REEP3: variants seen among roughly 807,000 people sequenced by gnomAD.
The protein encoded by REEP3 is receptor expression-enhancing protein 3.
A neutral mutation model predicts 41.3 loss-of-function variants in REEP3; 20 were observed. That is an observed-to-expected ratio of 0.48 (90% CI 0.34 to 0.70). The LOEUF (loss-of-function observed/expected upper bound fraction) is 0.70, where lower values mean the gene tolerates loss of function less well. REEP3 is among the 30% of genes least tolerant of loss of function. The pLI is 0.01. For missense variants in REEP3, 271 were observed against 308.8 expected (o/e 0.88, Z 0.92); for synonymous variants, 104 against 101.8 (o/e 1.02, Z -0.13).
chr10:63,538,761 A>G (rs1271036993), intron 1 of REEP3, among the ~76,000 whole-genome samples: 1 of 152,150 alleles, frequency 6.6e-6, no homozygotes, highest in Non-Finnish European at 1.5e-5. Context: ...AATAAAGATG[A>G]GGAAAATGAA....
At position 63,564,689 on chromosome 10, in the gene REEP3, AT is replaced by A. The variant is rs546759141; in HGVS notation, c.33-1638del. On this transcript the variant is annotated intron_variant, in intron 1 of 7. Transcript: ENST00000373758. ...TTGTTTTTCTTCTGTTTAGCTTGCA[AT>A]TTTTTTTTTTCCTAACGATGATACC... is the stretch of plus-strand genomic sequence containing the variant. Among the ~76,000 whole-genome samples the A allele has an allele frequency of 9.7e-3, 1,447 of 148,916 alleles. 23 individuals carry two copies. Among genetic ancestry groups the A allele is most frequent in the African/African-American group, 0.033 (1,347 of 40,834 alleles).
intron 1 of REEP3, among the ~76,000 whole-genome samples, chr10:63,546,431 A>G (rs1434177066): frequency 6.6e-6 from 1 of 152,214 alleles, no homozygotes; most frequent in Non-Finnish European, 1.5e-5. Flanking sequence ...TCATGAGTTC[A>G]TGAAGTAGGG....
intron 1 of REEP3, among the ~76,000 whole-genome samples, chr10:63,543,454 C>T (rs1955549360): frequency 1.0e-5 from 1 of 97,906 alleles, no homozygotes; most frequent in Admixed American, 1.4e-4. Context: ...CACCACCATG[C>T]CCCATTAAGT....
Position 63,610,089 on chromosome 10 carries a change from C to T in REEP3, c.418-98C>T, listed in dbSNP as rs1956266111. On this transcript the variant is annotated intron_variant, in intron 5 of 7. Transcript: ENST00000373758. The stretch of plus-strand genomic sequence containing the variant: ...TTGGGTGTTCATTGTACAATTCTTT[C>T]AGCTTTTCTGAAGTTATCTTAATAA... 10 of 1,069,270 alleles carry T rather than the reference C, an allele frequency of 9.4e-6. No homozygotes were observed. In the South Asian group the frequency reaches 1.7e-4, roughly 19 times the overall value. The allele number at this position is 1,069,270 out of a possible 1,614,324, so 66.2% of individuals were successfully genotyped here. A position where few individuals can be genotyped will look rare whatever the true frequency, so the allele number is the denominator to read the frequency against.
chr10:63,558,174 A>C (rs1312013777), intron 1 of REEP3, among the ~76,000 whole-genome samples: 1 of 152,242 alleles, frequency 6.6e-6, no homozygotes, highest in African/African-American at 2.4e-5. Flanking sequence ...ATAACCTAGT[A>C]ATCAAGTTAG....
chr10:63,615,995 ATTTTCC>A (rs1162973325), intron 6 of REEP3, among the ~76,000 whole-genome samples: 2 of 151,966 alleles, frequency 1.3e-5, no homozygotes, highest in Admixed American at 1.3e-4. Context: ...TTTCTGATTC[ATTTTCC>A]AAAGCGCAAG....
chr10:63,540,139 G>C (rs760936236), intron 1 of REEP3, among the ~76,000 whole-genome samples: 4 of 152,144 alleles, frequency 2.6e-5, no homozygotes, highest in Non-Finnish European at 5.9e-5. Flanking sequence ...AGACAAACTT[G>C]ATTGGTCTTT....
chr10:63,584,526 G>GC (rs1955986689), intron 2 of REEP3, among the ~76,000 whole-genome samples: 1 of 151,274 alleles, frequency 6.6e-6, no homozygotes, highest in African/African-American at 2.4e-5. Flanking sequence ...CTCTAACTTG[G>GC]CACAGCTCTG....
chr10:63,594,729 T>C (rs1007959341), intron 2 of REEP3, 49 bp from the exon 3 acceptor site: 1 of 1,134,680 alleles, frequency 8.8e-7, no homozygotes, highest in Admixed American at 1.7e-5. Flanking sequence ...TATTCAGAGT[T>C]GCAAATAATT....
At position 63,562,911 on chromosome 10, in the gene REEP3, A is replaced by C. The variant is rs1356709354; in HGVS notation, c.33-3427A>C. ...ACCCCCTGCGCATCAGAATGTGACT[A>C]CGTTTGGAGTTAAGTTATTTAAAGG... On this transcript the variant is annotated intron_variant, in intron 1 of 7. Transcript: ENST00000373758. 3 of 456,508 alleles carry C rather than the reference A, an allele frequency of 6.6e-6. No individual in the cohort carries two copies. The East Asian group carries it at 2.1e-4, about 32-fold the overall frequency. The allele number at this position is 456,508 out of a possible 1,614,324, so 28.3% of individuals were successfully genotyped here.
intron 1 of REEP3, among the ~76,000 whole-genome samples, chr10:63,555,916 A>G (rs2133365429): frequency 6.6e-6 from 1 of 152,320 alleles, no homozygotes; most frequent in East Asian, 1.9e-4. Flanking sequence ...CACTTTTCAA[A>G]TAATTGTCAA....
At chr10:63,600,413 T>C (rs1435701690) in intron 5 of REEP3, among the ~76,000 whole-genome samples, 1 of 152,228 alleles carries the variant, frequency 6.6e-6, no homozygotes, top group South Asian at 2.1e-4. Context: ...TATTAATGAT[T>C]ATTAATGGTC....
At position 63,570,515 on chromosome 10, in the gene REEP3, G is replaced by A. The variant is rs1366020874; in HGVS notation, c.105+4105G>A. Among the ~76,000 whole-genome samples, 5 of 152,096 alleles carry A rather than the reference G, an allele frequency of 3.3e-5. No individual in the cohort carries two copies. The South Asian group carries it at 1.0e-3, about 32-fold the overall frequency. On this transcript the variant is annotated intron_variant, in intron 2 of 7. Transcript: ENST00000373758. ...TTGTTAGGTAAATTTGTGTCATGGGGGTGTGTGGTACAGACTCTTTCATCA... is the reference window on the plus strand; with the variant it reads ...TTGTTAGGTAAATTTGTGTCATGGGAGTGTGTGGTACAGACTCTTTCATCA...
chr10:63,531,947 C>A (rs77756625), intron 1 of REEP3, among the ~76,000 whole-genome samples: 5,619 of 152,204 alleles, frequency 0.037, 336 homozygotes, highest in East Asian at 0.29. Flanking sequence ...TTTCAAAATT[C>A]CTATGTTTAC....
chr10:63,606,275 CTT>C (rs757329807), intron 5 of REEP3, among the ~76,000 whole-genome samples: 2,909 of 151,804 alleles, frequency 0.019, 43 homozygotes, highest in Non-Finnish European at 0.031. Context: ...TTCTTTCTTT[CTT>C]TTTCTTTCTT....
chr10:63,569,718 G>T (rs1379201940), intron 2 of REEP3, among the ~76,000 whole-genome samples: 1 of 152,170 alleles, frequency 6.6e-6, no homozygotes, highest in East Asian at 1.9e-4. Context: ...AAGGCAGGTG[G>T]ATCACTTGAG....
rs1464661288 is a variant in REEP3, at chr10:63,530,775, A to G, written c.32+9198A>G. Among the ~76,000 whole-genome samples the G allele has an allele frequency of 2.0e-5, 3 of 152,338 alleles. No homozygotes were observed. In the East Asian group the frequency reaches 5.8e-4, roughly 29 times the overall value. Reference sequence around the variant, plus strand: ...ATGAAACTGTTCAAATAAATGGTACATTACAACAATAGTGGCATAAATGGG... The same window carrying G: ...ATGAAACTGTTCAAATAAATGGTACGTTACAACAATAGTGGCATAAATGGG... On this transcript the variant is annotated intron_variant, in intron 1 of 7. Coordinates refer to ENST00000373758, the MANE Select transcript of REEP3 (RefSeq NM_001001330.3).
At chr10:63,531,206 C>T (rs1332367781) in intron 1 of REEP3, among the ~76,000 whole-genome samples, 2 of 152,178 alleles carry the variant, frequency 1.3e-5, no homozygotes, top group African/African-American at 4.8e-5. Flanking sequence ...AATGAGCAGA[C>T]CAGCTAACGT....
intron 1 of REEP3, among the ~76,000 whole-genome samples, chr10:63,552,304 G>A (rs745882910): frequency 7.9e-5 from 12 of 152,062 alleles, no homozygotes; most frequent in Non-Finnish European, 1.6e-4. Flanking sequence ...CCAGCTACTC[G>A]GGAGGCTGAA....
Sources: gnomAD v4.1 joint callset for allele counts (sites outside exome capture counted in the v4.1 genomes callset) on GRCh38, gnomAD v4.1.1 for gene constraint, MANE v1.5 for transcripts, NCBI Gene and HGNC (gene_info 2026-07-23, HGNC 2026-07-21) for gene names.